RAB27A: variants seen among roughly 807,000 people sequenced by gnomAD.
RAB27A encodes the protein ras-related protein Rab-27A.
In RAB27A, 17 loss-of-function variants were observed where a neutral mutation model predicts 20.8. The observed-to-expected ratio is 0.82, with a 90% CI of 0.56 to 1.23. RAB27A has a LOEUF of 1.23. RAB27A is among the 50% of genes most tolerant of loss of function. The pLI is 0.00. For synonymous variants in RAB27A, 85 were observed against 92.8 expected (o/e 0.92, Z 0.48); for missense variants, 277 against 266.7 (o/e 1.04, Z -0.27).
At position 55,207,785 on chromosome 15, in the gene RAB27A, C is replaced by T. The variant is rs139548220; in HGVS notation, c.468-2080G>A. 7.2e-5 allele frequency among the ~76,000 whole-genome samples: 11 copies of T among 152,178 alleles called. No individual in the cohort carries two copies. In the East Asian group the frequency reaches 1.4e-3, roughly 19 times the overall value. On this transcript the variant is annotated intron_variant, in intron 6 of 6. Coordinates refer to ENST00000336787, the MANE Select transcript of RAB27A (RefSeq NM_183235.3). ...GCAACCTCTGCCTCCCAAGTTCAAG[C>T]GATTCTCGTCCCTCAGCCTCCCAAG... is the stretch of plus-strand genomic sequence containing the variant.
At chr15:55,210,107 C>A (rs1373290276) in intron 6 of RAB27A, among the ~76,000 whole-genome samples, 1 of 137,466 alleles carries the variant, frequency 7.3e-6, no homozygotes, top group East Asian at 2.1e-4. Flanking sequence ...TGTATATATA[C>A]ACACATACAC....
chr15:55,299,290 G>A (rs1204778785), intron 2 of RAB27A, among the ~76,000 whole-genome samples: 1 of 152,054 alleles, frequency 6.6e-6, no homozygotes, highest in African/African-American at 2.4e-5. Context: ...CTCCATTTGG[G>A]GCCCCTGACT....
At chr15:55,234,234 C>G (rs751776621) in intron 3 of RAB27A, among the ~76,000 whole-genome samples, 7 of 152,152 alleles carry the variant, frequency 4.6e-5, no homozygotes, top group Non-Finnish European at 7.3e-5. Context: ...GTCTCAAAGT[C>G]CTTAAAAAAT....
intron 6 of RAB27A, among the ~76,000 whole-genome samples, chr15:55,219,520 T>C (rs1895466293): frequency 6.6e-6 from 1 of 152,194 alleles, no homozygotes; most frequent in Admixed American, 6.5e-5. Flanking sequence ...TGATCATCAG[T>C]ATACATTTGT....
intron 1 of RAB27A, among the ~76,000 whole-genome samples, chr15:55,284,818 C>T (rs938029551): frequency 2.0e-5 from 3 of 152,210 alleles, no homozygotes; most frequent in African/African-American, 7.2e-5. Flanking sequence ...GACTTAACCT[C>T]TCTGGAGTAA....
At chr15:55,258,097 A>C (rs111541236) in intron 2 of RAB27A, among the ~76,000 whole-genome samples, 2,082 of 150,750 alleles carry the variant, frequency 0.014, 59 homozygotes, top group African/African-American at 0.049. Context: ...GGAAACACAC[A>C]GTGAGGAGGA....
chr15:55,309,241 T>C (rs555565384), intron 2 of RAB27A, among the ~76,000 whole-genome samples: 3 of 152,324 alleles, frequency 2.0e-5, no homozygotes, highest in African/African-American at 7.2e-5. Context: ...TTAGTTGCTT[T>C]AGAGTTTTGG....
At chr15:55,265,149 G>A (rs976316438) in intron 2 of RAB27A, among the ~76,000 whole-genome samples, 2 of 152,198 alleles carry the variant, frequency 1.3e-5, no homozygotes, top group African/African-American at 4.8e-5. Flanking sequence ...GGCTGAGGCA[G>A]GAGAAACATT....
intron 1 of RAB27A, among the ~76,000 whole-genome samples, chr15:55,287,798 C>T (rs938048614): frequency 6.6e-6 from 1 of 150,662 alleles, no homozygotes; most frequent in African/African-American, 2.4e-5. Flanking sequence ...ATAGTCAAAA[C>T]AATCTTGAAA....
intron 2 of RAB27A, among the ~76,000 whole-genome samples, chr15:55,250,245 T>C (rs1896838213): frequency 6.6e-6 from 1 of 151,956 alleles, no homozygotes; most frequent in Non-Finnish European, 1.5e-5. Context: ...ATTACAGACT[T>C]GAGCCACTGC....
chr15:55,206,641 C>T (rs950854994), intron 6 of RAB27A, among the ~76,000 whole-genome samples: 1 of 152,116 alleles, frequency 6.6e-6, no homozygotes, highest in Non-Finnish European at 1.5e-5. Flanking sequence ...TGCACCCAGC[C>T]TAGTTTTAAG....
intron 1 of RAB27A, among the ~76,000 whole-genome samples, chr15:55,315,867 C>A (rs2055041042): frequency 6.6e-6 from 1 of 152,142 alleles, no homozygotes; most frequent in African/African-American, 2.4e-5. Context: ...GATCTACAAC[C>A]AGAAATGCCA....
At chr15:55,262,900 C>T (rs970370951) in intron 2 of RAB27A, among the ~76,000 whole-genome samples, 4 of 152,102 alleles carry the variant, frequency 2.6e-5, no homozygotes, top group Non-Finnish European at 5.9e-5. Context: ...TTAAGAATGA[C>T]ATTTGCTGTA....
At chr15:55,281,278 T>C (rs1898009509) in intron 1 of RAB27A, among the ~76,000 whole-genome samples, 1 of 152,222 alleles carries the variant, frequency 6.6e-6, no homozygotes. Context: ...CCAGTATAAG[T>C]AGCCTTCTCC....
chr15:55,257,577 A>G (rs1897125289), intron 2 of RAB27A, among the ~76,000 whole-genome samples: 1 of 152,212 alleles, frequency 6.6e-6, no homozygotes, highest in Admixed American at 6.5e-5. Flanking sequence ...ATGTCAGGGA[A>G]GACAGCTAGA....
At chr15:55,317,107 T>C (rs926877506) in intron 1 of RAB27A, 7 of 152,190 alleles carry the variant, frequency 4.6e-5, no homozygotes, top group Admixed American at 4.6e-4. Context: ...CACTTTTGTT[T>C]AAAAGGAAAT....
intron 1 of RAB27A, among the ~76,000 whole-genome samples, chr15:55,273,307 G>T (rs777618299): frequency 1.1e-4 from 16 of 151,776 alleles, no homozygotes; most frequent in South Asian, 2.1e-4. Context: ...TACTAGGGAG[G>T]CTGAGGCATG....
In RAB27A at chr15:55,307,431, G is replaced by A. The variant is rs181130703; in HGVS notation, c.-112+6608C>T. ...TCCTGGGTTAGCTTGTTTAGATGTC[G>A]TTTGAGTGTTTCATTTTCTCAACCT... On this transcript the variant is annotated intron_variant, in intron 2 of 5. Transcript: ENST00000563262. 1.6e-3 allele frequency among the ~76,000 whole-genome samples: 238 copies of A among 152,078 alleles called. 1 individual carries two copies. The Middle Eastern group carries it at 0.027, about 18-fold the overall frequency.
At chr15:55,313,143 C>T (rs927029736) in intron 2 of RAB27A, among the ~76,000 whole-genome samples, 1 of 152,176 alleles carries the variant, frequency 6.6e-6, no homozygotes, top group African/African-American at 2.4e-5. Flanking sequence ...TTGCCAAGCA[C>T]AGTGGCTGAC....
Sources: gnomAD v4.1 joint callset for allele counts (sites outside exome capture counted in the v4.1 genomes callset) on GRCh38, gnomAD v4.1.1 for gene constraint, MANE v1.5 for transcripts, NCBI Gene and HGNC (gene_info 2026-07-23, HGNC 2026-07-21) for gene names.